Variants in IFT56 observed in about 807,000 individuals in gnomAD.
The protein encoded by IFT56 is intraflagellar transport 56, also known as intraflagellar transport protein 56.
chr7:139,175,799 T>C, the IFT56 span, among the ~76,000 whole-genome samples: 2 of 151,874 alleles, frequency 1.3e-5, no homozygotes, highest in Admixed American at 6.6e-5. Flanking sequence ...AAATTAGAAT[T>C]AATAAGATCT....
chr7:139,179,784 C>G, the IFT56 span: 1 of 669,120 alleles, frequency 1.5e-6, no homozygotes, highest in African/African-American at 1.8e-5. Context: ...TGAAATTAAG[C>G]GTTGTTAATG....
At chr7:139,176,438 A>G in the IFT56 span, among the ~76,000 whole-genome samples, 2 of 152,206 alleles carry the variant, frequency 1.3e-5, no homozygotes, top group African/African-American at 4.8e-5. Flanking sequence ...GATTTCTTGC[A>G]TGGATATTAA....
At chr7:139,149,630 G>T in the IFT56 span, among the ~76,000 whole-genome samples, 16 of 152,064 alleles carry the variant, frequency 1.1e-4, no homozygotes, top group African/African-American at 3.6e-4. Context: ...GTCAACAAAG[G>T]TTAGCCCAAG....
the IFT56 span, among the ~76,000 whole-genome samples, chr7:139,142,503 T>C: frequency 6.6e-6 from 1 of 152,050 alleles, no homozygotes; most frequent in African/African-American, 2.4e-5. Flanking sequence ...TATTCAGAGA[T>C]GTTAGGTTTT....
At chr7:139,136,006 C>A in the IFT56 span, among the ~76,000 whole-genome samples, 1 of 152,170 alleles carries the variant, frequency 6.6e-6, no homozygotes, top group Non-Finnish European at 1.5e-5. Context: ...TCACTGCAAC[C>A]TGCACCTCCC....
At chr7:139,142,660 T>C in the IFT56 span, among the ~76,000 whole-genome samples, 2 of 152,292 alleles carry the variant, frequency 1.3e-5, no homozygotes, top group Middle Eastern at 3.4e-3. Flanking sequence ...TGAAACCATG[T>C]GTCTACTAAA....
the IFT56 span, among the ~76,000 whole-genome samples, chr7:139,142,016 AG>A: frequency 6.6e-6 from 1 of 152,334 alleles, no homozygotes; most frequent in Admixed American, 6.5e-5. Context: ...TCACCATAAT[AG>A]GATCAGGTAG....
At chr7:139,187,318 C>T in the IFT56 span, 7 of 1,481,570 alleles carry the variant, frequency 4.7e-6, no homozygotes, top group African/African-American at 9.8e-5. Context: ...TTATTTCATA[C>T]AGTCCCGTTT....
chr7:139,140,998 T>C, the IFT56 span, among the ~76,000 whole-genome samples: 3 of 150,586 alleles, frequency 2.0e-5, no homozygotes, highest in South Asian at 2.1e-4. Flanking sequence ...CAGTGGCTCA[T>C]GCCTGTAATC....
chr7:139,166,816 T>C, the IFT56 span: 13 of 1,444,484 alleles, frequency 9.0e-6, no homozygotes, highest in Middle Eastern at 4.3e-4. Context: ...TACAGACTAG[T>C]ATAATTACTT....
chr7:139,140,013 G>A, the IFT56 span: 4 of 1,529,062 alleles, frequency 2.6e-6, no homozygotes, highest in African/African-American at 5.5e-5. Context: ...AGGTAAAGGG[G>A]CTCTTATATC....
At chr7:139,160,341 A>C in the IFT56 span, among the ~76,000 whole-genome samples, 1 of 152,348 alleles carries the variant, frequency 6.6e-6, no homozygotes, top group East Asian at 1.9e-4. Context: ...ATCACCTTTG[A>C]CACTGAAAGA....
chr7:139,169,475 C>G, the IFT56 span: 1 of 813,074 alleles, frequency 1.2e-6, no homozygotes, highest in Non-Finnish European at 2.0e-6. Flanking sequence ...AGTGGGAGGT[C>G]AGAAATAAGA....
the IFT56 span, among the ~76,000 whole-genome samples, chr7:139,158,682 G>C: frequency 6.6e-6 from 1 of 152,194 alleles, no homozygotes; most frequent in African/African-American, 2.4e-5. Context: ...GGGAGGCTGA[G>C]ATAGGCGGAT....
chr7:139,135,853 CT>C, the IFT56 span, among the ~76,000 whole-genome samples: 5 of 152,154 alleles, frequency 3.3e-5, no homozygotes, highest in Non-Finnish European at 7.3e-5. Flanking sequence ...TGAATCTACC[CT>C]TAATAATTGT....
At chr7:139,186,457 A>G in the IFT56 span, among the ~76,000 whole-genome samples, 40 of 151,998 alleles carry the variant, frequency 2.6e-4, 1 homozygote, top group South Asian at 6.4e-3. Flanking sequence ...AATTTTTTTT[A>G]AATAAAAGAA....
At chr7:139,179,733 T>C in the IFT56 span, 4 of 1,097,776 alleles carry the variant, frequency 3.6e-6, no homozygotes, top group South Asian at 2.8e-5. Context: ...GAAAGTTTTC[T>C]AATTTTATTT....
At chr7:139,181,774 A>G in the IFT56 span, among the ~76,000 whole-genome samples, 2 of 152,250 alleles carry the variant, frequency 1.3e-5, no homozygotes, top group Non-Finnish European at 2.9e-5. Flanking sequence ...TTATAACACA[A>G]TGGCTAATAT....
the IFT56 span, among the ~76,000 whole-genome samples, chr7:139,151,120 A>G: frequency 3.3e-5 from 5 of 152,234 alleles, no homozygotes; most frequent in African/African-American, 4.8e-5. Flanking sequence ...AAGGAGAATC[A>G]CATTTAAAGA....
Sources: gnomAD v4.1 joint callset for allele counts (sites outside exome capture counted in the v4.1 genomes callset) on GRCh38, gnomAD v4.1.1 for gene constraint, MANE v1.5 for transcripts, NCBI Gene and HGNC (gene_info 2026-07-23, HGNC 2026-07-21) for gene names.